Variants in CDKAL1 observed in about 807,000 individuals in gnomAD.
CDKAL1 encodes threonylcarbamoyladenosine tRNA methylthiotransferase.
A neutral mutation model predicts 68.2 loss-of-function variants in CDKAL1; 32 were observed. The ratio of observed to expected loss-of-function variants is 0.47; its 90% CI spans 0.35 to 0.63. CDKAL1 has a LOEUF of 0.63. Ranked by LOEUF, CDKAL1 falls within the 30% of genes least tolerant of loss-of-function variation. CDKAL1 has a pLI of 0.00. For synonymous variants in CDKAL1, 234 were observed against 244.3 expected (o/e 0.96, Z 0.39); for missense variants, 606 against 696.7 (o/e 0.87, Z 1.47).
At chr6:20,664,909 A>C (rs898882595) in intron 5 of CDKAL1, among the ~76,000 whole-genome samples, 7 of 152,124 alleles carry the variant, frequency 4.6e-5, no homozygotes, top group Admixed American at 2.0e-4. Context: ...AGAGTAATCC[A>C]GGGCAGATGG....
intron 4 of CDKAL1, among the ~76,000 whole-genome samples, chr6:20,604,718 C>G (rs1217464881): frequency 6.6e-6 from 1 of 152,154 alleles, no homozygotes; most frequent in Non-Finnish European, 1.5e-5. Flanking sequence ...ACTCCTAATG[C>G]TAATTGAAAG....
At chr6:20,647,612 A>G (rs1156508609) in intron 4 of CDKAL1, among the ~76,000 whole-genome samples, 1 of 152,230 alleles carries the variant, frequency 6.6e-6, no homozygotes, top group African/African-American at 2.4e-5. Flanking sequence ...AGTCTGTTAT[A>G]GGAATTCAGA....
At chr6:21,196,547 A>G (rs1778476589) in intron 13 of CDKAL1, among the ~76,000 whole-genome samples, 1 of 152,198 alleles carries the variant, frequency 6.6e-6, no homozygotes, top group South Asian at 2.1e-4. Context: ...TATATTTTGA[A>G]TGAGATAGTA....
intron 9 of CDKAL1, among the ~76,000 whole-genome samples, chr6:20,911,531 T>C (rs1471780723): frequency 1.3e-5 from 2 of 152,198 alleles, no homozygotes; most frequent in South Asian, 2.1e-4. Flanking sequence ...GTTCATGAAT[T>C]TTACCAAGAA....
intron 7 of CDKAL1, among the ~76,000 whole-genome samples, chr6:20,778,354 A>G (rs768603337): frequency 1.1e-4 from 17 of 152,262 alleles, no homozygotes; most frequent in Non-Finnish European, 2.1e-4. Flanking sequence ...TAAGCCACAG[A>G]CTGAGAGAAA....
chr6:20,695,195 A>C (rs1019365655), intron 5 of CDKAL1, among the ~76,000 whole-genome samples: 1 of 152,192 alleles, frequency 6.6e-6, no homozygotes, highest in African/African-American at 2.4e-5. Context: ...TGGGAAAAAC[A>C]AGTTGTCTAT....
chr6:20,764,636 AG>A (rs1774614105), intron 7 of CDKAL1, among the ~76,000 whole-genome samples: 1 of 152,188 alleles, frequency 6.6e-6, no homozygotes, highest in South Asian at 2.1e-4. Context: ...TGGTTTGATC[AG>A]TGTGAGTGAC....
At chr6:20,800,135 A>G (rs1483811887) in intron 8 of CDKAL1, among the ~76,000 whole-genome samples, 1 of 144,122 alleles carries the variant, frequency 6.9e-6, no homozygotes, top group Non-Finnish European at 1.5e-5. Context: ...ACCAGCATAT[A>G]CATGCTCAGC....
chr6:20,938,156 G>A (rs1763808609), intron 9 of CDKAL1, among the ~76,000 whole-genome samples: 1 of 152,062 alleles, frequency 6.6e-6, no homozygotes, highest in Non-Finnish European at 1.5e-5. Flanking sequence ...TTCTACTACT[G>A]TCATTATTTA....
At chr6:21,061,195 C>A (rs1771124145) in intron 11 of CDKAL1, among the ~76,000 whole-genome samples, 1 of 152,056 alleles carries the variant, frequency 6.6e-6, no homozygotes, top group Non-Finnish European at 1.5e-5. Context: ...TACAAGTAAT[C>A]ATAGCACTGC....
At chr6:21,050,334 A>G (rs564465816) in intron 11 of CDKAL1, among the ~76,000 whole-genome samples, 21 of 152,334 alleles carry the variant, frequency 1.4e-4, no homozygotes, top group Admixed American at 1.3e-3. Context: ...CCTGGGCCCC[A>G]CTCAGCCACA....
At chr6:20,853,386 CAAAACAAAAAA>C (rs1447032164) in intron 9 of CDKAL1, among the ~76,000 whole-genome samples, 6 of 32,484 alleles carry the variant, frequency 1.8e-4, no homozygotes, top group Admixed American at 2.5e-4. Flanking sequence ...TCTCAAAAAA[CAAAACAAAAAA>C]AAAACAAAAA....
chr6:20,944,496 A>G (rs1200942176), intron 9 of CDKAL1, among the ~76,000 whole-genome samples: 1 of 152,102 alleles, frequency 6.6e-6, no homozygotes, highest in African/African-American at 2.4e-5. Flanking sequence ...ACAGGGGTGC[A>G]CCACCATGCT....
chr6:20,765,145 C>CT lies in CDKAL1; in HGVS notation c.517+6531dup, dbSNP rs573930548. Among the ~76,000 whole-genome samples the CT allele has an allele frequency of 6.9e-3, 198 of 28,894 alleles. 47 individuals are homozygous for CT. The highest frequency in any genetic ancestry group is 0.019 in the African/African-American group (121 of 6,332). The allele number at this position is 28,894 out of a possible 152,430, so 19.0% of individuals were successfully genotyped here. A position where few individuals can be genotyped will look rare whatever the true frequency, so the allele number is the denominator to read the frequency against. ...CCATTGCAAAGGTAATGGTTACATT[C>CT]TTTTTTTTTTTTTTTTTTTTTTTTT... On this transcript the variant is annotated intron_variant, in intron 7 of 15. Coordinates refer to ENST00000274695, the MANE Select transcript of CDKAL1 (RefSeq NM_017774.3).
chr6:20,558,452 G>A (rs760457281), intron 4 of CDKAL1: 2 of 445,114 alleles, frequency 4.5e-6, no homozygotes, highest in Non-Finnish European at 9.1e-6. Flanking sequence ...CTGGGCACAT[G>A]GCAGTGCGGT....
intron 9 of CDKAL1, among the ~76,000 whole-genome samples, chr6:20,924,360 T>C (rs1194704132): frequency 1.3e-5 from 2 of 151,514 alleles, no homozygotes; most frequent in African/African-American, 4.9e-5. Context: ...AGTAAGACCC[T>C]GTCTCTAGAA....
chr6:21,229,078 G>C (rs920472234), intron 15 of CDKAL1, among the ~76,000 whole-genome samples: 11 of 152,156 alleles, frequency 7.2e-5, no homozygotes, highest in African/African-American at 2.7e-4. Context: ...GAGGAGTGCA[G>C]CAGTAAATAA....
rs141339070 is a variant in CDKAL1, at chr6:21,210,398, A to G, written c.1548+9124A>G. ...AGGATTAGTACCTTTATACCATACT[A>G]ATGAAGGCTCCAGAGAGCTGCCTTG... On this transcript the variant is annotated intron_variant, in intron 15 of 15. Coordinates refer to ENST00000274695, the MANE Select transcript of CDKAL1 (RefSeq NM_017774.3). Among the ~76,000 whole-genome samples the G allele has an allele frequency of 1.9e-3, 282 of 152,306 alleles. 2 individuals carry two copies. Among genetic ancestry groups the G allele is most frequent in the African/African-American group, 6.1e-3 (255 of 41,562 alleles).
At chr6:21,179,676 T>C (rs1777717450) in intron 13 of CDKAL1, among the ~76,000 whole-genome samples, 1 of 152,218 alleles carries the variant, frequency 6.6e-6, no homozygotes, top group African/African-American at 2.4e-5. Context: ...GCTGCAGTAG[T>C]CTTTTTCCAC....
Sources: gnomAD v4.1 joint callset for allele counts (sites outside exome capture counted in the v4.1 genomes callset) on GRCh38, gnomAD v4.1.1 for gene constraint, MANE v1.5 for transcripts, NCBI Gene and HGNC (gene_info 2026-07-23, HGNC 2026-07-21) for gene names.